CCDC154: variants seen among roughly 807,000 people sequenced by gnomAD.
CCDC154 encodes the protein coiled-coil domain-containing protein 154.
In CCDC154, 91 loss-of-function variants were observed where a neutral mutation model predicts 87.5. The observed-to-expected ratio is 1.04, with a 90% CI of 0.88 to 1.24. The LOEUF (loss-of-function observed/expected upper bound fraction) is 1.24, where lower values mean the gene tolerates loss of function less well. Among genes scored for constraint, CCDC154 ranks in the 50% most tolerant of loss-of-function variants. The pLI is 0.00. For missense variants in CCDC154, 903 were observed against 879.2 expected, an observed-to-expected ratio of 1.03 and a Z score of -0.34; for synonymous variants, 418 against 400.4, an observed-to-expected ratio of 1.04 and a Z score of -0.52.
At position 1,437,804 on chromosome 16, in the gene CCDC154, C is replaced by T. The variant is rs2038515090; in HGVS notation, c.1290+13G>A. On this transcript the variant is annotated intron_variant, in intron 11 of 16. Transcript: ENST00000389176. ...CCATAGCCCCGCCTGCCCCCGCCCGCTGCCTGGCGCACCTCGGACAGCCTG... is the reference window on the plus strand; with the variant it reads ...CCATAGCCCCGCCTGCCCCCGCCCGTTGCCTGGCGCACCTCGGACAGCCTG... The T allele has an allele frequency of 6.6e-7, 1 of 1,522,992 alleles. No homozygotes were observed. The allele number at this position is 1,522,992 out of a possible 1,614,324, so 94.3% of individuals were successfully genotyped here.
intron 11 of CCDC154, chr16:1,437,320 C>G (rs1252252528): frequency 5.6e-6 from 1 of 177,214 alleles, no homozygotes; most frequent in Non-Finnish European, 1.2e-5. Context: ...AGGCAGCCCC[C>G]GAGACAGGGA....
At chr16:1,441,763 C>G (rs1225375574) in intron 6 of CCDC154, among the ~76,000 whole-genome samples, 5 of 152,122 alleles carry the variant, frequency 3.3e-5, no homozygotes, top group Non-Finnish European at 5.9e-5. Flanking sequence ...AGCTGCCGGC[C>G]CCACGTGGCA....
intron 14 of CCDC154, 126 bp from the exon 15 acceptor site, chr16:1,435,301 G>T: frequency 1.2e-6 from 1 of 811,170 alleles, no homozygotes. Flanking sequence ...CTGAAATGCT[G>T]GTCCTCGTCC....
Position 1,438,670 on chromosome 16 carries a change from T to G in CCDC154, c.974A>C (p.Gln325Pro). 2 of 1,550,104 alleles carry G rather than the reference T, an allele frequency of 1.3e-6. No homozygotes were observed. The highest frequency in any genetic ancestry group is 1.7e-6 in the Non-Finnish European group (2 of 1,146,788). The change falls in exon 9 of 17, where the codon CAG (glutamine) becomes CCG (proline). Residue 325 changes from glutamine (Q) to proline (P), a missense_variant. Coordinates refer to ENST00000389176, the MANE Select transcript of CCDC154 (RefSeq NM_001143980.3). ...ACGGTTCAGCGACGCCTGGTTCTGC[T>G]GCACAAACTTGGTCAGCTGGGCCAC... ...AAVAQLTKFV[Q>P]QNQASLNRVL...
At chr16:1,443,109 A>G (rs2038570105) in intron 4 of CCDC154, 134 bp from the exon 5 acceptor site, 1 of 1,366,886 alleles carries the variant, frequency 7.3e-7, no homozygotes, top group Non-Finnish European at 1.0e-6. Flanking sequence ...CCAGGCACGT[A>G]CAAACCCGGC....
intron 16 of CCDC154, 48 bp from the exon 17 acceptor site, chr16:1,434,582 CAT>C: frequency 1.3e-6 from 2 of 1,519,066 alleles, no homozygotes; most frequent in Non-Finnish European, 1.8e-6. Flanking sequence ...CCCCACCCCC[CAT>C]GGCCCACCTG....
At position 1,442,455 on chromosome 16, in the gene CCDC154, T is replaced by G; in HGVS notation, c.626A>C (p.Asn209Thr). Residue 209 changes from asparagine (N) to threonine (T), a missense_variant, in exon 6 of 17, where the codon AAC (asparagine) becomes ACC (threonine). Transcript: ENST00000389176. ...CACCCTCCGGCTGCTGTCCTCTTGG[T>G]TCTTCTGCAGGGCGCCGCAGGCCAC... ...REVACGALQK[N>T]QEDSSRRVDL... 5 of 1,550,164 alleles carry G rather than the reference T, an allele frequency of 3.2e-6. No homozygotes were observed. Among genetic ancestry groups the G allele is most frequent in the Non-Finnish European group, 3.5e-6 (4 of 1,146,824 alleles).
chr16:1,444,137 G>A (rs1373237137), intron 1 of CCDC154, 125 bp from the exon 2 acceptor site: 29 of 1,004,866 alleles, frequency 2.9e-5, no homozygotes, highest in Non-Finnish European at 3.7e-5. Context: ...GTCTCCTTGG[G>A]TCACACAGGA....
intron 14 of CCDC154, among the ~76,000 whole-genome samples, chr16:1,435,638 G>A (rs2038495292): frequency 1.3e-5 from 2 of 152,228 alleles, no homozygotes; most frequent in African/African-American, 4.8e-5. Context: ...TGATTCTCCT[G>A]CCTCAGCCTC....
In CCDC154 at chr16:1,444,464, G is replaced by A; in HGVS notation, c.-142C>T. The A allele has an allele frequency of 1.2e-6, 1 of 848,224 alleles. No homozygotes were observed. Among genetic ancestry groups the A allele is most frequent in the Admixed American group, 3.6e-5 (1 of 27,494 alleles). The allele number at this position is 848,224 out of a possible 1,614,324, so 52.5% of individuals were successfully genotyped here. A position where few individuals can be genotyped will look rare whatever the true frequency, so the allele number is the denominator to read the frequency against. The stretch of plus-strand genomic sequence containing the variant: ...GAGAGCTCTGGGCCTTGAGGGACGA[G>A]CTGCTGCCCTCGTCTGGCTGCCTTC... On this transcript the variant is annotated 5_prime_UTR_variant, in exon 1 of 17. Transcript: ENST00000389176.
At position 1,442,909 on chromosome 16, in the gene CCDC154, T is replaced by A. The variant is rs1021960710; in HGVS notation, c.522A>T (p.Arg174Ser). 4 of 1,545,136 alleles carry A rather than the reference T, an allele frequency of 2.6e-6. No homozygotes were observed. In the African/African-American group the frequency reaches 5.5e-5, roughly 21 times the overall value. Residue 174 changes from arginine (R) to serine (S), a missense_variant, in exon 5 of 17, where the codon AGA (arginine) becomes AGT (serine). Arg to Ser is a moderately radical substitution (Grantham distance 110, BLOSUM62 -1). Transcript: ENST00000389176. ...RRRQVQQEAE[R>S]RGAEQEAGLR... is the part of the protein sequence containing the mutation. ...GGCCGGCCTCTTGCTCGGCGCCCCT[T>A]CTCTCCGCCTCCTGTTGCACCTGCC...
At chr16:1,436,605 G>A (rs995020439) in intron 12 of CCDC154, 84 bp from the exon 13 acceptor site, 3 of 1,545,386 alleles carry the variant, frequency 1.9e-6, no homozygotes, top group African/African-American at 2.7e-5. Flanking sequence ...GGGAGAGGGA[G>A]GAGGGGAGAG....
intron 13 of CCDC154, 42 bp downstream of exon 13, chr16:1,436,403 C>A: frequency 6.7e-7 from 1 of 1,486,686 alleles, no homozygotes; most frequent in South Asian, 1.2e-5. Flanking sequence ...CAGTAACGGT[C>A]AGCAGAGCCC....
In CCDC154 at chr16:1,438,727, A is replaced by G; in HGVS notation, c.917T>C (p.Leu306Pro). 1 of 1,549,652 alleles carries G rather than the reference A, an allele frequency of 6.5e-7. No individual in the cohort carries two copies. Among genetic ancestry groups the G allele is most frequent in the Non-Finnish European group, 8.7e-7 (1 of 1,146,588 alleles). The change falls in exon 9 of 17, where the codon CTC becomes CCC. Residue 306 changes from leucine (L) to proline (P), a missense_variant. Leu to Pro is a moderately conservative substitution (Grantham distance 98, BLOSUM62 -3). Coordinates refer to ENST00000389176, the MANE Select transcript of CCDC154 (RefSeq NM_001143980.3). ...ATCCAGGCCCTGGCACTGCTCCAGG[A>G]GGTGGCTCTCCTGCCAGGGGGTGGA... ...ALQGQHEESH[L>P]LEQCQGLDAA...
In CCDC154 at chr16:1,443,540, G is replaced by A. The variant is rs948396218; in HGVS notation, c.380C>T (p.Pro127Leu). 100 of 1,475,706 alleles carry A rather than the reference G, an allele frequency of 6.8e-5. No homozygotes were observed. The highest frequency in any genetic ancestry group is 3.0e-4 in the African/African-American group (21 of 70,044). 91.4% of individuals were successfully genotyped at this position (1,475,706 alleles called of 1,614,324 possible). A position where few individuals can be genotyped will look rare whatever the true frequency, so the allele number is the denominator to read the frequency against. ...CTCCTTTTCGGGGGCCTGGGCTGCCGGCCGCGCCTCCTGCTGCAACTGCCT... is the reference window on the plus strand; with the variant it reads ...CTCCTTTTCGGGGGCCTGGGCTGCCAGCCGCGCCTCCTGCTGCAACTGCCT... ...ELRQLQQEAR[P>L]AAQAPEKEAP... is the part of the protein sequence containing the mutation. The change falls in exon 3 of 17, where the codon CCG (proline) becomes CTG (leucine). Residue 127 changes from proline (P) to leucine (L), a missense_variant. Physicochemically the swap from Pro to Leu is moderately conservative, Grantham distance 98. Coordinates refer to ENST00000389176, the MANE Select transcript of CCDC154 (RefSeq NM_001143980.3).
chr16:1,436,249 G>A (rs1285766581), intron 13 of CCDC154, among the ~76,000 whole-genome samples, 163 bp from the exon 14 acceptor site: 2 of 152,208 alleles, frequency 1.3e-5, no homozygotes, highest in South Asian at 2.1e-4. Context: ...CCAACGGGGG[G>A]TAGAGGGAGG....
Position 1,443,878 on chromosome 16 carries a change from T to A in CCDC154, c.142A>T (p.Arg48Trp). Reference sequence around the variant, plus strand: ...GATGTCGGATGGCTGGACTCATACCTCTCCGAGAGCTCCTCCAGGCTCAAG... The same window carrying A: ...GATGTCGGATGGCTGGACTCATACCACTCCGAGAGCTCCTCCAGGCTCAAG... ...EPLSLEELSE[R>W]YESSHPTSTA... The change falls in exon 2 of 17, where the codon AGG becomes TGG. Residue 48 changes from arginine (R) to tryptophan (W), a missense_variant. By Grantham distance (101) the Arg-to-Trp change is moderately radical (BLOSUM62 -3). Coordinates refer to ENST00000389176, the MANE Select transcript of CCDC154 (RefSeq NM_001143980.3). 9 of 1,304,150 alleles carry A rather than the reference T, an allele frequency of 6.9e-6. No individual in the cohort carries two copies. Among genetic ancestry groups the A allele is most frequent in the Non-Finnish European group, 9.1e-6 (9 of 988,940 alleles). 80.8% of individuals were successfully genotyped at this position (1,304,150 alleles called of 1,614,324 possible).
At chr16:1,436,333 G>T in intron 13 of CCDC154, 112 bp downstream of exon 13, 1 of 1,043,536 alleles carries the variant, frequency 9.6e-7, no homozygotes, top group Non-Finnish European at 1.4e-6. Context: ...GGGCTCAGGG[G>T]GAACAGGTCT....
chr16:1,440,610 T>C (rs2038543049), intron 6 of CCDC154, among the ~76,000 whole-genome samples: 1 of 151,946 alleles, frequency 6.6e-6, no homozygotes, highest in East Asian at 1.9e-4. Context: ...AGTTTGAGAC[T>C]GGCCTGGGCA....
Sources: gnomAD v4.1 joint callset for allele counts (sites outside exome capture counted in the v4.1 genomes callset) on GRCh38, gnomAD v4.1.1 for gene constraint, MANE v1.5 for transcripts, NCBI Gene and HGNC (gene_info 2026-07-23, HGNC 2026-07-21) for gene names.